Variants in HS3ST3B1 observed in about 807,000 individuals in gnomAD.
HS3ST3B1 encodes the protein heparan sulfate glucosamine 3-O-sulfotransferase 3B1.
A neutral mutation model predicts 21.3 loss-of-function variants in HS3ST3B1; 13 were observed. The ratio of observed to expected loss-of-function variants is 0.61; its 90% CI spans 0.40 to 0.97. The LOEUF is 0.97. Ranked by LOEUF, HS3ST3B1 falls within the 50% of genes least tolerant of loss-of-function variation. The pLI, the probability that HS3ST3B1 is intolerant of heterozygous loss-of-function variation, is 0.00. For synonymous variants in HS3ST3B1, 234 were observed against 254.8 expected (o/e 0.92, Z 0.78); for missense variants, 459 against 554.8 (o/e 0.83, Z 1.73).
Position 14,346,012 on chromosome 17 carries a change from C to G in HS3ST3B1, c.*366C>G, listed in dbSNP as rs907201780. The G allele has an allele frequency of 9.7e-6, 2 of 206,354 alleles. No individual in the cohort carries two copies. The highest frequency in any genetic ancestry group is 4.7e-5 in the African/African-American group (2 of 42,380). 12.8% of individuals were successfully genotyped at this position (206,354 alleles called of 1,614,324 possible). ...TGCCTCCTTGTCTTGTCTTGGGTCT[C>G]CCATTCCAGCTTCCCTGTCTCTTCC... On this transcript the variant is annotated 3_prime_UTR_variant, in exon 2 of 2. Coordinates refer to ENST00000360954, the MANE Select transcript of HS3ST3B1 (RefSeq NM_006041.3).
intron 1 of HS3ST3B1, among the ~76,000 whole-genome samples, chr17:14,343,700 G>A (rs986513934): frequency 7.9e-5 from 12 of 152,064 alleles, no homozygotes; most frequent in African/African-American, 2.9e-4. Flanking sequence ...ATATTTCATT[G>A]TGCATATATA....
chr17:14,320,064 G>GT (rs937423038), intron 1 of HS3ST3B1, among the ~76,000 whole-genome samples: 10 of 152,160 alleles, frequency 6.6e-5, no homozygotes, highest in African/African-American at 2.2e-4. Context: ...AGACGCCAGC[G>GT]TGTGTGGGGC....
chr17:14,309,336 C>T (rs1597586999), intron 1 of HS3ST3B1, among the ~76,000 whole-genome samples: 1 of 152,212 alleles, frequency 6.6e-6, no homozygotes, highest in East Asian at 1.9e-4. Context: ...GGGGCCGCCT[C>T]CCCCGCCCCT....
chr17:14,312,446 A>G (rs533359135), intron 1 of HS3ST3B1, among the ~76,000 whole-genome samples: 16 of 152,162 alleles, frequency 1.1e-4, no homozygotes, highest in African/African-American at 3.9e-4. Flanking sequence ...AGACTTTTCC[A>G]CTTAAAAGCA....
chr17:14,305,338 G>C (rs978371754), intron 1 of HS3ST3B1: 19 of 152,196 alleles, frequency 1.2e-4, no homozygotes, highest in Admixed American at 9.2e-4. Flanking sequence ...TGGTGAAACT[G>C]GGTGTTACTT....
In HS3ST3B1 at chr17:14,313,136, A is replaced by ATATATATATATATATATGTGTGTGTG. The variant is rs1567637255; in HGVS notation, c.554+11073_554+11074insATATATATGTGTGTGTGTATATATAT. Among the ~76,000 whole-genome samples the ATATATATATATATATATGTGTGTGTG allele has an allele frequency of 7.1e-5, 8 of 112,840 alleles. No homozygotes were observed. The South Asian group carries it at 2.2e-3, about 31-fold the overall frequency. 74.0% of individuals were successfully genotyped at this position (112,840 alleles called of 152,430 possible). A position where few individuals can be genotyped will look rare whatever the true frequency, so the allele number is the denominator to read the frequency against. Reference sequence around the variant, plus strand: ...TATATATATATATGTGTGTGTGTGTATATATATATTTTTAGTAGAGACAGG... The same window carrying ATATATATATATATATATGTGTGTGTG: ...TATATATATATATGTGTGTGTGTGTATATATATATATATATATGTGTGTGTGTATATATATTTTTAGTAGAGACAGG... On this transcript the variant is annotated intron_variant, in intron 1 of 1. Coordinates refer to ENST00000360954, the MANE Select transcript of HS3ST3B1 (RefSeq NM_006041.3).
intron 1 of HS3ST3B1, among the ~76,000 whole-genome samples, chr17:14,326,591 C>T (rs1909823666): frequency 6.6e-6 from 1 of 152,122 alleles, no homozygotes; most frequent in South Asian, 2.1e-4. Context: ...TAAATAGGAG[C>T]ATCTTTTGTT....
chr17:14,311,449 C>T (rs1041243616), intron 1 of HS3ST3B1, among the ~76,000 whole-genome samples: 24 of 152,104 alleles, frequency 1.6e-4, no homozygotes, highest in Non-Finnish European at 2.9e-5. Flanking sequence ...TCCCAAATAC[C>T]CATCAGTCCT....
At chr17:14,329,687 T>A (rs999594148) in intron 1 of HS3ST3B1, among the ~76,000 whole-genome samples, 4 of 152,196 alleles carry the variant, frequency 2.6e-5, no homozygotes, top group African/African-American at 9.7e-5. Flanking sequence ...TTTCTTTGTC[T>A]CCAACATCCT....
intron 1 of HS3ST3B1, among the ~76,000 whole-genome samples, chr17:14,315,639 G>T (rs1300009695): frequency 6.6e-6 from 1 of 152,000 alleles, no homozygotes; most frequent in African/African-American, 2.4e-5. Flanking sequence ...CCTGACCAAC[G>T]TGGTGAAACC....
chr17:14,340,000 C>G (rs182452587), intron 1 of HS3ST3B1, among the ~76,000 whole-genome samples: 11 of 152,078 alleles, frequency 7.2e-5, no homozygotes, highest in Non-Finnish European at 1.5e-4. Context: ...TCCAGGACTG[C>G]GCGGTTGTAG....
intron 1 of HS3ST3B1, among the ~76,000 whole-genome samples, chr17:14,305,784 G>C (rs1216073810): frequency 1.3e-5 from 2 of 152,148 alleles, no homozygotes; most frequent in Admixed American, 1.3e-4. Context: ...AATGGTGGTA[G>C]CTAACACTTA....
Position 14,301,949 on chromosome 17 carries a change from G to C in HS3ST3B1, c.431G>C (p.Gly144Ala), listed in dbSNP as rs1908947216. The change falls in exon 1 of 2, where the codon GGC becomes GCC. Residue 144 changes from glycine (G) to alanine (A), a missense_variant. By Grantham distance (60) the Gly-to-Ala change is moderately conservative (BLOSUM62 0). Transcript: ENST00000360954. ...CAGCTGCCGCAGGCCATCATCATCG[G>C]CGTGAAGAAGGGCGGCACGCGGGCG... ...SKQLPQAIIIGVKKGGTRALL... is the reference protein window; with the variant it reads ...SKQLPQAIIIAVKKGGTRALL... The C allele has an allele frequency of 6.2e-7, 1 of 1,609,816 alleles. No individual in the cohort carries two copies. Among genetic ancestry groups the C allele is most frequent in the African/African-American group, 1.3e-5 (1 of 74,904 alleles).
intron 1 of HS3ST3B1, 136 bp from the exon 2 acceptor site, chr17:14,344,892 T>C (rs906326934): frequency 2.3e-6 from 3 of 1,331,670 alleles, no homozygotes; most frequent in Non-Finnish European, 3.0e-6. Flanking sequence ...AGCTCTAAAG[T>C]TCTACTTGCA....
intron 1 of HS3ST3B1, among the ~76,000 whole-genome samples, chr17:14,312,179 T>C (rs1037026648): frequency 2.0e-5 from 3 of 152,090 alleles, no homozygotes; most frequent in Admixed American, 1.3e-4. Context: ...TACTTAATCT[T>C]AACAGCGATG....
chr17:14,302,763 C>A (rs926149374), intron 1 of HS3ST3B1, among the ~76,000 whole-genome samples: 2 of 152,246 alleles, frequency 1.3e-5, no homozygotes, highest in East Asian at 3.9e-4. Flanking sequence ...GCACTGCAAC[C>A]GGCTGGAGCG....
intron 1 of HS3ST3B1, among the ~76,000 whole-genome samples, chr17:14,318,724 C>A (rs1346794697): frequency 6.6e-6 from 1 of 152,174 alleles, no homozygotes; most frequent in African/African-American, 2.4e-5. Flanking sequence ...TGGCTCCCTG[C>A]CCTGACTGTG....
In HS3ST3B1 at chr17:14,345,389, G is replaced by A. The variant is rs1910529375; in HGVS notation, c.916G>A (p.Gly306Arg). ...SGERLISDPA[G>R]ELGRVQDFLG... is the part of the protein sequence containing the mutation. ...CGAGCGGCTCATCAGCGACCCGGCC[G>A]GGGAGCTGGGCCGCGTGCAAGACTT... is the stretch of plus-strand genomic sequence containing the variant. Residue 306 changes from glycine (G) to arginine (R), a missense_variant, in exon 2 of 2, where the codon GGG (glycine) becomes AGG (arginine). Physicochemically the swap from Gly to Arg is moderately radical, Grantham distance 125 (BLOSUM62 -2). This residue lies in a region of HS3ST3B1 where 127 missense variants were observed against 209.9 expected (regional missense o/e 0.60). Transcript: ENST00000360954. 21 of 1,190,968 alleles carry A rather than the reference G, an allele frequency of 1.8e-5. No homozygotes were observed. The highest frequency in any genetic ancestry group is 4.4e-5 in the Admixed American group (2 of 45,788). 73.8% of individuals were successfully genotyped at this position (1,190,968 alleles called of 1,614,324 possible). A position where few individuals can be genotyped will look rare whatever the true frequency, so the allele number is the denominator to read the frequency against.
chr17:14,340,979 TTC>T (rs1015065217), intron 1 of HS3ST3B1, among the ~76,000 whole-genome samples: 2 of 152,172 alleles, frequency 1.3e-5, no homozygotes, highest in Non-Finnish European at 2.9e-5. Flanking sequence ...TCAAAATAAA[TTC>T]TGAGGCTCCT....
Sources: gnomAD v4.1 joint callset for allele counts (sites outside exome capture counted in the v4.1 genomes callset) on GRCh38, gnomAD v4.1.1 for gene constraint, gnomAD v4.1.1 regional missense constraint, MANE v1.5 for transcripts, NCBI Gene and HGNC (gene_info 2026-07-23, HGNC 2026-07-21) for gene names.